Variants in ARHGAP26 observed in about 807,000 individuals in gnomAD.
ARHGAP26 encodes rho GTPase-activating protein 26.
In ARHGAP26, 38 loss-of-function variants were observed where a neutral mutation model predicts 104.8. The observed-to-expected ratio is 0.36, with a 90% confidence interval of 0.28 to 0.48. The LOEUF (loss-of-function observed/expected upper bound fraction) is 0.48, where lower values mean the gene tolerates loss of function less well. ARHGAP26 is among the 20% of genes least tolerant of loss of function. The probability of loss-of-function intolerance (pLI) is 0.99; values close to 1 mark genes in which losing one functional copy is unlikely to be tolerated. For synonymous variants in ARHGAP26, 341 were observed against 340.0 expected (o/e 1.00, Z -0.03); for missense variants, 704 against 947.9 (o/e 0.74, Z 3.38).
chr5:143,197,603 T>C (rs1359916399), intron 20 of ARHGAP26, among the ~76,000 whole-genome samples: 2 of 152,234 alleles, frequency 1.3e-5, no homozygotes, highest in Admixed American at 1.3e-4. Context: ...ATAGTCTGGT[T>C]ATAAACCCTT....
intron 11 of ARHGAP26, among the ~76,000 whole-genome samples, chr5:142,971,327 A>G (rs928169703): frequency 1.2e-4 from 18 of 152,178 alleles, no homozygotes; most frequent in African/African-American, 4.3e-4. Context: ...AGAGAATGAA[A>G]TTGCAGGAGA....
intron 11 of ARHGAP26, among the ~76,000 whole-genome samples, chr5:142,963,095 T>G (rs1048292992): frequency 7.3e-5 from 11 of 150,762 alleles, no homozygotes; most frequent in Admixed American, 7.3e-4. Context: ...GATAACGACC[T>G]CCAGCTCCAT....
intron 17 of ARHGAP26, among the ~76,000 whole-genome samples, chr5:143,082,672 A>G (rs942095394): frequency 3.3e-5 from 5 of 152,248 alleles, no homozygotes; most frequent in African/African-American, 9.6e-5. Context: ...TTTTGTTCTC[A>G]CTATACTGTA....
At chr5:143,004,199 A>G (rs1004896853) in intron 11 of ARHGAP26, among the ~76,000 whole-genome samples, 1 of 152,158 alleles carries the variant, frequency 6.6e-6, no homozygotes, top group Non-Finnish European at 1.5e-5. Context: ...TGTTATAGGT[A>G]AATTTTCCTA....
At chr5:143,139,700 G>A (rs1456896688) in intron 19 of ARHGAP26, among the ~76,000 whole-genome samples, 3 of 152,196 alleles carry the variant, frequency 2.0e-5, no homozygotes, top group African/African-American at 4.8e-5. Context: ...GCTCATTTGC[G>A]ATCACCTTCG....
At chr5:142,784,402 G>C (rs1758127146) in intron 1 of ARHGAP26, among the ~76,000 whole-genome samples, 1 of 152,056 alleles carries the variant, frequency 6.6e-6, no homozygotes, top group Admixed American at 6.5e-5. Flanking sequence ...AGTGGGGCTT[G>C]CTTGGGATTT....
intron 1 of ARHGAP26, among the ~76,000 whole-genome samples, chr5:142,830,212 G>T (rs889723953): frequency 1.3e-5 from 2 of 152,164 alleles, no homozygotes; most frequent in Non-Finnish European, 2.9e-5. Context: ...TATTATTCAG[G>T]TTTCTTGCAT....
At chr5:143,072,212 G>A (rs1052935624) in intron 17 of ARHGAP26, among the ~76,000 whole-genome samples, 1 of 152,092 alleles carries the variant, frequency 6.6e-6, no homozygotes, top group African/African-American at 2.4e-5. Flanking sequence ...ACCACAGTGA[G>A]GTATCATCTC....
chr5:142,793,122 G>A lies in ARHGAP26; in HGVS notation c.154+22207G>A, dbSNP rs891404587. Among the ~76,000 whole-genome samples, 4 of 152,214 alleles carry A rather than the reference G, an allele frequency of 2.6e-5. No homozygotes were observed. In the East Asian group the frequency reaches 7.7e-4, roughly 29 times the overall value. ...AGTGGGACCGCAAACAGTACATGGT[G>A]CATGACCTGGAGGCCTGACATTCGT... On this transcript the variant is annotated intron_variant, in intron 1 of 22. Coordinates refer to ENST00000645722, the MANE Select transcript of ARHGAP26 (RefSeq NM_001135608.3).
chr5:142,790,515 AC>A (rs1759578789), intron 1 of ARHGAP26, among the ~76,000 whole-genome samples: 1 of 152,038 alleles, frequency 6.6e-6, no homozygotes, highest in South Asian at 2.1e-4. Context: ...GAAGTCATAA[AC>A]CTTATTCCAC....
At position 143,222,370 on chromosome 5, in the gene ARHGAP26, A is replaced by G. The variant is rs1197722198; in HGVS notation, c.2204A>G (p.Gln735Arg). 6.2e-7 allele frequency: 1 copy of G among 1,600,712 alleles called. No individual in the cohort carries two copies. The highest frequency in any genetic ancestry group is 8.5e-7 in the Non-Finnish European group (1 of 1,171,576). The change falls in exon 23 of 23, where the codon CAG (glutamine) becomes CGG (arginine). Residue 735 changes from glutamine to arginine, a missense_variant. This residue lies in a region of ARHGAP26 where 217 missense variants were observed against 242.6 expected (regional missense o/e 0.89). Coordinates refer to ENST00000645722, the MANE Select transcript of ARHGAP26 (RefSeq NM_001135608.3). ...CCTTCCTGTACAGTTCACCCATCTCAGGAGCCTGGCTGGTTGGAGGGGACT... is the reference window on the plus strand; with the variant it reads ...CCTTCCTGTACAGTTCACCCATCTCGGGAGCCTGGCTGGTTGGAGGGGACT... ...GTVFDNVHPSQEPGWLEGTLN... is the reference protein window; with the variant it reads ...GTVFDNVHPSREPGWLEGTLN...
At position 142,821,584 on chromosome 5, in the gene ARHGAP26, C is replaced by T. The variant is rs114200225; in HGVS notation, c.154+50669C>T. Reference sequence around the variant, plus strand: ...ATTCCTGGACCAGCACCATCAACATCGTCTGGGAATTTGTTAGAAATTCAG... The same window carrying T: ...ATTCCTGGACCAGCACCATCAACATTGTCTGGGAATTTGTTAGAAATTCAG... On this transcript the variant is annotated intron_variant, in intron 1 of 22. Coordinates refer to ENST00000645722, the MANE Select transcript of ARHGAP26 (RefSeq NM_001135608.3). Among the ~76,000 whole-genome samples the T allele has an allele frequency of 4.9e-3, 747 of 152,200 alleles. 10 individuals carry two copies. The highest frequency in any genetic ancestry group is 0.016 in the African/African-American group (644 of 41,540).
chr5:143,211,029 G>A (rs258817), intron 21 of ARHGAP26, among the ~76,000 whole-genome samples: 32,030 of 152,114 alleles, frequency 0.21, 4,084 homozygotes, highest in East Asian at 0.35. Context: ...CAGAGCCAAA[G>A]CCTACAAATA....
chr5:143,201,887 A>T (rs575984899), intron 20 of ARHGAP26, among the ~76,000 whole-genome samples: 2 of 152,362 alleles, frequency 1.3e-5, no homozygotes, highest in South Asian at 2.1e-4. Context: ...TCCTTTAGTC[A>T]TTTAAAAAAT....
intron 1 of ARHGAP26, among the ~76,000 whole-genome samples, chr5:142,827,361 A>G (rs554478982): frequency 6.6e-6 from 1 of 152,184 alleles, no homozygotes; most frequent in African/African-American, 2.4e-5. Context: ...GCTCCACTGC[A>G]TATTAGTTTG....
chr5:143,207,608 A>G (rs1196627355), intron 21 of ARHGAP26: 2 of 1,104,856 alleles, frequency 1.8e-6, no homozygotes, highest in Non-Finnish European at 2.6e-6. Flanking sequence ...ATGAATCAGC[A>G]TGGCATTTTT....
intron 11 of ARHGAP26, among the ~76,000 whole-genome samples, chr5:142,976,505 C>T (rs1773109881): frequency 6.6e-6 from 1 of 152,174 alleles, no homozygotes; most frequent in African/African-American, 2.4e-5. Context: ...ATTATTACTA[C>T]ATTTTTGTAT....
rs75585175 is a variant in ARHGAP26 at position 143,188,904 on chromosome 5, G to T, written c.1989-18294G>T. On this transcript the variant is annotated intron_variant, in intron 20 of 22. Transcript: ENST00000645722. ...CTGCAAATAGCTAGAGATGTGGCAG[G>T]TTACACAGAAGAAGAGAAGTCCCTG... is the stretch of plus-strand genomic sequence containing the variant. Among the ~76,000 whole-genome samples the T allele has an allele frequency of 2.6e-5, 4 of 152,332 alleles. No homozygotes were observed. In the East Asian group the frequency reaches 7.7e-4, roughly 29 times the overall value.
intron 10 of ARHGAP26, among the ~76,000 whole-genome samples, chr5:142,920,381 C>T (rs1282537805): frequency 6.6e-6 from 1 of 152,192 alleles, no homozygotes; most frequent in Non-Finnish European, 1.5e-5. Flanking sequence ...AGTCATTTGC[C>T]AGCATCCCTG....
Sources: allele counts gnomAD v4.1 joint callset (sites outside exome capture counted in the v4.1 genomes callset), GRCh38; gene constraint gnomAD v4.1.1; regional missense constraint gnomAD v4.1.1; transcripts MANE v1.5; gene names NCBI Gene and HGNC (gene_info 2026-07-23, HGNC 2026-07-21).